Variants in BORCS5 observed in about 807,000 individuals in gnomAD.
BORCS5 encodes the protein BLOC-1-related complex subunit 5.
A neutral mutation model predicts 22.1 loss-of-function variants in BORCS5; 17 were observed. The ratio of observed to expected loss-of-function variants is 0.77; its 90% CI spans 0.53 to 1.15. The LOEUF (loss-of-function observed/expected upper bound fraction) is 1.15, where lower values mean the gene tolerates loss of function less well. Ranked by LOEUF, BORCS5 falls within the 50% of genes most tolerant of loss-of-function variation. The pLI, the probability that BORCS5 is intolerant of heterozygous loss-of-function variation, is 0.00. For synonymous variants in BORCS5, 117 were observed against 99.8 expected, an observed-to-expected ratio of 1.17 and a Z score of -1.03; for missense variants, 247 against 253.2, an observed-to-expected ratio of 0.98 and a Z score of 0.17.
chr12:12,416,532 C>T (rs1007107486), intron 2 of BORCS5, among the ~76,000 whole-genome samples: 1 of 152,052 alleles, frequency 6.6e-6, no homozygotes, highest in African/African-American at 2.4e-5. Context: ...TAGCCTCGAA[C>T]TCCTGGACTC....
chr12:12,450,646 T>C (rs776990869), intron 3 of BORCS5, among the ~76,000 whole-genome samples: 1 of 152,236 alleles, frequency 6.6e-6, no homozygotes, highest in African/African-American at 2.4e-5. Flanking sequence ...ATGTATTTAA[T>C]TGAAATGAGC....
chr12:12,414,509 G>A lies in BORCS5; in HGVS notation c.203-21119G>A, dbSNP rs1267103992. Among the ~76,000 whole-genome samples, 10 of 74,834 alleles carry A rather than the reference G, an allele frequency of 1.3e-4. 1 individual carries two copies. The highest frequency in any genetic ancestry group is 2.2e-4 in the Non-Finnish European group (8 of 35,876). The allele number at this position is 74,834 out of a possible 152,430, so 49.1% of individuals were successfully genotyped here. A position where few individuals can be genotyped will look rare whatever the true frequency, so the allele number is the denominator to read the frequency against. On this transcript the variant is annotated intron_variant, in intron 2 of 3. Coordinates refer to ENST00000314565, the MANE Select transcript of BORCS5 (RefSeq NM_058169.6). ...TCCTCACTTCCCAGTAGGGGCGGCC[G>A]GGCAGAGGAGCCCCTCACCTCCCAG...
intron 2 of BORCS5, among the ~76,000 whole-genome samples, chr12:12,401,754 T>C (rs1286117169): frequency 6.6e-6 from 1 of 152,132 alleles, no homozygotes; most frequent in Non-Finnish European, 1.5e-5. Flanking sequence ...TGTCATTGGA[T>C]ATTGTTTGAA....
At position 12,357,316 on chromosome 12, in the gene BORCS5, C is replaced by T. The variant is rs189290156; in HGVS notation, c.-136C>T. On this transcript the variant is annotated 5_prime_UTR_variant, in exon 1 of 4. Transcript: ENST00000314565. ...CTGCGTGGGCTGGACGCGTCAGCCC[C>T]ACACATTAGCCTCGCTGCGGCGCCC... 4.9e-5 allele frequency: 72 copies of T among 1,472,054 alleles called. No individual in the cohort carries two copies. The highest frequency in any genetic ancestry group is 6.5e-5 in the Non-Finnish European group (72 of 1,107,430). 91.2% of individuals were successfully genotyped at this position (1,472,054 alleles called of 1,614,324 possible). A position where few individuals can be genotyped will look rare whatever the true frequency, so the allele number is the denominator to read the frequency against.
intron 2 of BORCS5, among the ~76,000 whole-genome samples, chr12:12,420,810 A>G (rs1175363489): frequency 1.3e-5 from 2 of 152,116 alleles, no homozygotes; most frequent in Non-Finnish European, 2.9e-5. Flanking sequence ...ATTCTCTTTG[A>G]AGCAATTGTG....
At chr12:12,455,946 G>C (rs1285412877) in intron 3 of BORCS5, among the ~76,000 whole-genome samples, 7 of 151,898 alleles carry the variant, frequency 4.6e-5, no homozygotes, top group Non-Finnish European at 7.4e-5. Context: ...TTTTTCTTTT[G>C]ACCATGAGGG....
rs1323145146 is a variant in BORCS5, at chr12:12,469,924, G to A, written c.*4148G>A. Among the ~76,000 whole-genome samples the A allele has an allele frequency of 6.6e-6, 1 of 152,142 alleles. No individual in the cohort carries two copies. Among genetic ancestry groups the A allele is most frequent in the East Asian group, 1.9e-4 (1 of 5,180 alleles). On this transcript the variant is annotated 3_prime_UTR_variant, in exon 4 of 4. Transcript: ENST00000314565. ...TTGTTAAGAACTATATAGTGCCTCT[G>A]AGGAGGTGGCATTATTGTTCACTAA...
At position 12,387,496 on chromosome 12, in the gene BORCS5, C is replaced by T. The variant is rs114283534; in HGVS notation, c.202+26147C>T. Among the ~76,000 whole-genome samples, 442 of 151,538 alleles carry T rather than the reference C, an allele frequency of 2.9e-3. 11 individuals carry two copies. The highest frequency in any genetic ancestry group is 0.01 in the African/African-American group (420 of 41,316). ...TTTTATTCTGATCATGAAAGTAACA[C>T]GTGCTCATGATTTTATGTCACTCAG... On this transcript the variant is annotated intron_variant, in intron 2 of 3. Transcript: ENST00000314565.
At chr12:12,376,076 T>A (rs1315142009) in intron 2 of BORCS5, among the ~76,000 whole-genome samples, 2 of 152,164 alleles carry the variant, frequency 1.3e-5, no homozygotes, top group Non-Finnish European at 2.9e-5. Flanking sequence ...GTGTTGGGAT[T>A]ACAGGTGTGA....
Position 12,357,328 on chromosome 12 carries a change from T to G in BORCS5, c.-124T>G. 6.8e-7 allele frequency: 1 copy of G among 1,476,726 alleles called. No individual in the cohort carries two copies. The highest frequency in any genetic ancestry group is 1.3e-5 in the South Asian group (1 of 74,416). The allele number at this position is 1,476,726 out of a possible 1,614,324, so 91.5% of individuals were successfully genotyped here. A position where few individuals can be genotyped will look rare whatever the true frequency, so the allele number is the denominator to read the frequency against. ...GACGCGTCAGCCCCACACATTAGCC[T>G]CGCTGCGGCGCCCAGACTCTGCTTT... On this transcript the variant is annotated 5_prime_UTR_variant, in exon 1 of 4. Transcript: ENST00000314565.
chr12:12,465,323 G>C (rs530687487), intron 3 of BORCS5, among the ~76,000 whole-genome samples: 3 of 152,214 alleles, frequency 2.0e-5, no homozygotes, highest in Non-Finnish European at 4.4e-5. Context: ...CCAGAACATA[G>C]AGCCAGGGAC....
Position 12,357,293 on chromosome 12 carries a change from G to A in BORCS5, c.-159G>A. ...TCCTTCTCCCGCCGCCCAGGCCCCT[G>A]CGTGGGCTGGACGCGTCAGCCCCAC... On this transcript the variant is annotated 5_prime_UTR_variant, in exon 1 of 4. Transcript: ENST00000314565. 1 of 1,455,714 alleles carries A rather than the reference G, an allele frequency of 6.9e-7. No individual in the cohort carries two copies. Among genetic ancestry groups the A allele is most frequent in the Non-Finnish European group, 9.1e-7 (1 of 1,103,846 alleles). The allele number at this position is 1,455,714 out of a possible 1,614,324, so 90.2% of individuals were successfully genotyped here. A position where few individuals can be genotyped will look rare whatever the true frequency, so the allele number is the denominator to read the frequency against.
At chr12:12,460,520 T>G (rs759930782) in intron 3 of BORCS5, among the ~76,000 whole-genome samples, 5 of 152,250 alleles carry the variant, frequency 3.3e-5, no homozygotes, top group Non-Finnish European at 7.3e-5. Flanking sequence ...TATAGTACAA[T>G]GTTGAATAGA....
At chr12:12,397,966 G>A (rs1941390292) in intron 2 of BORCS5, among the ~76,000 whole-genome samples, 1 of 152,126 alleles carries the variant, frequency 6.6e-6, no homozygotes, top group Admixed American at 6.5e-5. Context: ...TTTCAGGGAG[G>A]TTAAAATTAT....
intron 2 of BORCS5, among the ~76,000 whole-genome samples, chr12:12,391,136 C>G (rs558903323): frequency 1.3e-5 from 2 of 152,100 alleles, no homozygotes; most frequent in South Asian, 4.1e-4. Flanking sequence ...CTAAAAATTT[C>G]AAGATAAGTC....
intron 3 of BORCS5, chr12:12,452,589 C>T (rs1251028847): frequency 9.1e-6 from 3 of 328,178 alleles, no homozygotes; most frequent in Admixed American, 8.3e-5. Context: ...CACTCCCTCC[C>T]GCACGCCGGC....
At chr12:12,436,500 G>T (rs1334068237) in intron 3 of BORCS5, among the ~76,000 whole-genome samples, 1 of 152,170 alleles carries the variant, frequency 6.6e-6, no homozygotes, top group Non-Finnish European at 1.5e-5. Context: ...AAAGTTTCCA[G>T]TCAAGAAAAA....
intron 2 of BORCS5, among the ~76,000 whole-genome samples, chr12:12,387,026 G>C (rs1487370184): frequency 6.6e-6 from 1 of 151,034 alleles, no homozygotes; most frequent in African/African-American, 2.4e-5. Context: ...ACCATGCCCA[G>C]CTAATTAAAA....
In BORCS5 at chr12:12,454,443, T is replaced by G. The variant is rs77014985; in HGVS notation, c.361-11103T>G. ...CTAATGTCCAGTGATGTTGAACATC[T>G]TTTCCTGTGTTTACTGGCCATTTGT... On this transcript the variant is annotated intron_variant, in intron 3 of 3. Transcript: ENST00000314565. Among the ~76,000 whole-genome samples, 322 of 152,362 alleles carry G rather than the reference T, an allele frequency of 2.1e-3. 1 individual carries two copies. Among genetic ancestry groups the G allele is most frequent in the African/African-American group, 6.8e-3 (282 of 41,586 alleles).
Sources: allele counts gnomAD v4.1 joint callset (sites outside exome capture counted in the v4.1 genomes callset), GRCh38; gene constraint gnomAD v4.1.1; transcripts MANE v1.5; gene names NCBI Gene and HGNC (gene_info 2026-07-23, HGNC 2026-07-21).